The following ERLIN1 variants were observed in gnomAD, a reference collection of about 807,000 sequenced individuals.
ERLIN1 encodes ER lipid raft associated 1.
In ERLIN1, 24 loss-of-function variants were observed where a neutral mutation model predicts 46.9. The ratio of observed to expected loss-of-function variants is 0.51; its 90% confidence interval spans 0.37 to 0.72. The LOEUF is 0.72. ERLIN1 is among the 30% of genes least tolerant of loss of function. The pLI is 0.00. For synonymous variants in ERLIN1, 158 were observed against 143.2 expected (o/e 1.10, Z -0.74); for missense variants, 293 against 417.9 (o/e 0.70, Z 2.61).
In ERLIN1 at chr10:100,152,315, T is replaced by C. The variant is rs768507729; in HGVS notation, c.863A>G (p.Tyr288Cys). The C allele has an allele frequency of 9.9e-6, 16 of 1,613,432 alleles. No homozygotes were observed. Among genetic ancestry groups the C allele is most frequent in the Non-Finnish European group, 1.1e-5 (13 of 1,179,468 alleles). Residue 288 changes from tyrosine (Y) to cysteine (C), a missense_variant, in exon 11 of 11, where the codon TAC becomes TGC. Transcript: ENST00000421367. ...LTPEYLELKK[Y>C]QAIASNSKIY... Reference sequence around the variant, plus strand: ...CTTACTGTTAGAAGCAATGGCCTGGTACTTTTTGAGCTCCAGATATTCCGG... The same window carrying C: ...CTTACTGTTAGAAGCAATGGCCTGGCACTTTTTGAGCTCCAGATATTCCGG...
chr10:100,154,761 G>T, intron 10 of ERLIN1, 99 bp downstream of exon 10: 1 of 925,566 alleles, frequency 1.1e-6, no homozygotes, highest in Non-Finnish European at 1.7e-6. Context: ...ACACTTTCTT[G>T]ACAATGGATA....
At chr10:100,177,445 T>TA (rs1463689634) in intron 4 of ERLIN1, among the ~76,000 whole-genome samples, 11 of 152,354 alleles carry the variant, frequency 7.2e-5, no homozygotes, top group Middle Eastern at 6.8e-3. Context: ...ATTATGACCT[T>TA]ACATCCCAAT....
At chr10:100,178,008 A>C in intron 4 of ERLIN1, 125 bp downstream of exon 4, 1 of 671,316 alleles carries the variant, frequency 1.5e-6, no homozygotes, top group East Asian at 2.8e-5. Flanking sequence ...TTCCCCAGAA[A>C]TTTATTAATC....
Position 100,152,189 on chromosome 10 carries a change from T to C in ERLIN1, c.989A>G (p.Lys330Arg), listed in dbSNP as rs1842837351. 6.2e-7 allele frequency: 1 copy of C among 1,613,522 alleles called. No individual in the cohort carries two copies. Among genetic ancestry groups the C allele is most frequent in the African/African-American group, 1.3e-5 (1 of 74,916 alleles). The change falls in exon 11 of 11, where the codon AAG becomes AGG. Residue 330 changes from lysine (K) to arginine (R), a missense_variant. By Grantham distance (26) the Lys-to-Arg change is conservative. Transcript: ENST00000421367. ...RTGRESSLPSKEALEPSGENV... is the reference protein window; with the variant it reads ...RTGRESSLPSREALEPSGENV... ...CTCTCCAGAGGGTTCAAGAGCCTCC[T>C]TAGAGGGGAGTGAGCTTTCTCTTCC...
At chr10:100,175,324 T>A (rs1447567388) in intron 5 of ERLIN1, among the ~76,000 whole-genome samples, 1 of 152,216 alleles carries the variant, frequency 6.6e-6, no homozygotes, top group East Asian at 1.9e-4. Flanking sequence ...AACACCTGCA[T>A]TCCTTCCAGG....
Position 100,182,271 on chromosome 10 carries a change from C to T in ERLIN1, c.195+1485G>A, listed in dbSNP as rs757191537. 8.7e-4 allele frequency among the ~76,000 whole-genome samples: 131 copies of T among 151,342 alleles called. 1 individual carries two copies. The highest frequency in any genetic ancestry group is 1.3e-3 in the Non-Finnish European group (87 of 67,894). On this transcript the variant is annotated intron_variant, in intron 2 of 10. Coordinates refer to ENST00000421367, the MANE Select transcript of ERLIN1 (RefSeq NM_006459.4). ...TCTCAAACTCCTAGGCTCAAGTGAT[C>T]CACCTGCTTCAGCCTCCCAAAGTGC...
In ERLIN1 at chr10:100,154,924, G is replaced by C. The variant is rs1842994500; in HGVS notation, c.761C>G (p.Ala254Gly). Reference protein sequence around the residue: ...ISEIEDAAFLAREKAKADAEY... With the variant: ...ISEIEDAAFLGREKAKADAEY... ...AGCATCTGCTTTCGCTTTCTCTCGGGCCAGGAATGCAGCATCTAGCAAATA... is the reference window on the plus strand; with the variant it reads ...AGCATCTGCTTTCGCTTTCTCTCGGCCCAGGAATGCAGCATCTAGCAAATA... Residue 254 changes from alanine (A) to glycine (G), a missense_variant, in exon 10 of 11, where the codon GCC (alanine) becomes GGC (glycine). By Grantham distance (60) the Ala-to-Gly change is moderately conservative. Coordinates refer to ENST00000421367, the MANE Select transcript of ERLIN1 (RefSeq NM_006459.4). The C allele has an allele frequency of 4.3e-6, 7 of 1,613,768 alleles. 1 individual carries two copies. The highest frequency in any genetic ancestry group is 5.9e-6 in the Non-Finnish European group (7 of 1,179,688).
chr10:100,180,652 T>A (rs900725603), intron 2 of ERLIN1, among the ~76,000 whole-genome samples: 3 of 152,054 alleles, frequency 2.0e-5, no homozygotes, highest in Non-Finnish European at 4.4e-5. Context: ...AAGGGACAAT[T>A]TGGATGAAAG....
intron 5 of ERLIN1, among the ~76,000 whole-genome samples, chr10:100,175,113 C>T (rs1056088007): frequency 1.3e-5 from 2 of 152,188 alleles, no homozygotes; most frequent in African/African-American, 4.8e-5. Context: ...CTGGTCAGAA[C>T]TTCCACTATC....
intron 6 of ERLIN1, among the ~76,000 whole-genome samples, chr10:100,168,527 T>C (rs1843776668): frequency 6.6e-6 from 1 of 152,084 alleles, no homozygotes; most frequent in African/African-American, 2.4e-5. Flanking sequence ...GGACCAGATT[T>C]TGTGAGATGT....
At chr10:100,178,969 C>T (rs1844475275) in intron 3 of ERLIN1, among the ~76,000 whole-genome samples, 1 of 152,208 alleles carries the variant, frequency 6.6e-6, no homozygotes, top group African/African-American at 2.4e-5. Flanking sequence ...ACAGTTAGGT[C>T]TACTTGCTCT....
Position 100,176,067 on chromosome 10 carries a change from A to G in ERLIN1, c.308T>C (p.Phe103Ser), listed in dbSNP as rs1844280700. ...VVNMLAPYAV[F>S]DIVRNYTADY... ...TGCAGTATAGTTCCTCACGATATCA[A>G]ACACTGAAGGAGAGGTACAACCCAT... The change falls in exon 5 of 11, where the codon TTT becomes TCT. Residue 103 changes from phenylalanine (F) to serine (S), a missense_variant. Phe to Ser is a radical substitution (Grantham distance 155). Transcript: ENST00000421367. 6.2e-7 allele frequency: 1 copy of G among 1,611,554 alleles called. No homozygotes were observed. Among genetic ancestry groups the G allele is most frequent in the Admixed American group, 1.7e-5 (1 of 59,738 alleles).
chr10:100,181,789 C>T (rs1285364439), intron 2 of ERLIN1, among the ~76,000 whole-genome samples: 1 of 152,188 alleles, frequency 6.6e-6, no homozygotes, highest in Admixed American at 6.5e-5. Context: ...GCTGGGATTA[C>T]AGGCGTGAGC....
intron 6 of ERLIN1, among the ~76,000 whole-genome samples, chr10:100,170,914 G>T (rs1468420477): frequency 2.0e-5 from 3 of 152,180 alleles, no homozygotes; most frequent in African/African-American, 7.2e-5. Flanking sequence ...ATGGAATGCA[G>T]TATGTAACAT....
Position 100,156,141 on chromosome 10 carries a change from G to T in ERLIN1, c.745+4C>A, listed in dbSNP as rs777536349. On this transcript the variant is annotated splice_donor_region_variant and intron_variant, in intron 9 of 10. Transcript: ENST00000421367. ...CAGAGCTTCATCCTCTCCCCACAATGTACCTTCGATTTCAGAAATGCGCTT... is the reference window on the plus strand; with the variant it reads ...CAGAGCTTCATCCTCTCCCCACAATTTACCTTCGATTTCAGAAATGCGCTT... 1 of 1,601,550 alleles carries T rather than the reference G, an allele frequency of 6.2e-7. No individual in the cohort carries two copies. The highest frequency in any genetic ancestry group is 2.2e-5 in the East Asian group (1 of 44,808).
At chr10:100,160,775 T>G (rs1361966497) in intron 8 of ERLIN1, among the ~76,000 whole-genome samples, 1 of 152,098 alleles carries the variant, frequency 6.6e-6, no homozygotes, top group Non-Finnish European at 1.5e-5. Flanking sequence ...GGTGAAACCC[T>G]GTCTCTACAG....
Position 100,151,671 on chromosome 10 carries a change from C to T in ERLIN1, c.*460G>A. On this transcript the variant is annotated 3_prime_UTR_variant, in exon 11 of 11. Transcript: ENST00000421367. The stretch of plus-strand genomic sequence containing the variant: ...ACATGGATGAAGGCTGGGACTGGAT[C>T]CCAAAGAAAGGGCCTGGGTCCCAGG... The T allele has an allele frequency of 4.4e-6, 1 of 225,212 alleles. No individual in the cohort carries two copies. Among genetic ancestry groups the T allele is most frequent in the South Asian group, 6.6e-5 (1 of 15,154 alleles). 14.0% of individuals were successfully genotyped at this position (225,212 alleles called of 1,614,324 possible). A position where few individuals can be genotyped will look rare whatever the true frequency, so the allele number is the denominator to read the frequency against.
intron 8 of ERLIN1, among the ~76,000 whole-genome samples, chr10:100,159,282 T>C (rs909766734): frequency 6.6e-6 from 1 of 152,032 alleles, no homozygotes; most frequent in Non-Finnish European, 1.5e-5. Context: ...CCAAAATATA[T>C]AAAGAAAAAA....
At chr10:100,170,820 C>T (rs373044422) in intron 6 of ERLIN1, among the ~76,000 whole-genome samples, 32 of 152,072 alleles carry the variant, frequency 2.1e-4, no homozygotes, top group African/African-American at 7.2e-4. Flanking sequence ...TGAGAAAAGA[C>T]CAAGGACTCA....
Sources: allele counts gnomAD v4.1 joint callset (sites outside exome capture counted in the v4.1 genomes callset), GRCh38; gene constraint gnomAD v4.1.1; transcripts MANE v1.5; gene names NCBI Gene and HGNC (gene_info 2026-07-23, HGNC 2026-07-21).